Variants in RTN1 observed in about 807,000 individuals in gnomAD.
The protein encoded by RTN1 is reticulon-1.
Under a neutral mutation model 65.5 loss-of-function variants are expected in RTN1, and 25 were observed. The ratio of observed to expected loss-of-function variants is 0.38; its 90% CI spans 0.28 to 0.53. RTN1 has a LOEUF of 0.53. Among genes scored for constraint, RTN1 ranks in the 20% least tolerant of loss-of-function variants. The probability of loss-of-function intolerance (pLI) is 0.79; values close to 1 mark genes in which losing one functional copy is unlikely to be tolerated. For synonymous variants in RTN1, 471 were observed against 447.6 expected (o/e 1.05, Z -0.66); for missense variants, 983 against 1,025.4 (o/e 0.96, Z 0.57).
At chr14:59,602,455 G>A (rs745477785) in intron 8 of RTN1, among the ~76,000 whole-genome samples, 9 of 152,096 alleles carry the variant, frequency 5.9e-5, no homozygotes, top group Non-Finnish European at 1.3e-4. Context: ...TGTTAGCTAT[G>A]GGTATGTAAA....
chr14:59,688,189 C>A (rs1183552696), intron 3 of RTN1, among the ~76,000 whole-genome samples: 7 of 152,150 alleles, frequency 4.6e-5, no homozygotes. Flanking sequence ...GCTAGAGCCA[C>A]CCCACCTTCT....
intron 3 of RTN1, among the ~76,000 whole-genome samples, chr14:59,723,099 C>A (rs996562830): frequency 7.9e-5 from 12 of 152,048 alleles, no homozygotes; most frequent in Non-Finnish European, 1.5e-5. Context: ...TGCCCAGACT[C>A]TTTAACTTTG....
chr14:59,861,276 A>T (rs1429174817), intron 1 of RTN1, among the ~76,000 whole-genome samples: 3 of 152,168 alleles, frequency 2.0e-5, no homozygotes, highest in Non-Finnish European at 4.4e-5. Context: ...TGATGGTATT[A>T]TAAGGGGGAT....
At chr14:59,788,644 A>G (rs763671716) in intron 1 of RTN1, among the ~76,000 whole-genome samples, 3 of 152,126 alleles carry the variant, frequency 2.0e-5, no homozygotes, top group African/African-American at 2.4e-5. Context: ...GAAATGCTTC[A>G]TTTTTAAATA....
chr14:59,776,577 T>C (rs187130117), intron 1 of RTN1, among the ~76,000 whole-genome samples: 39 of 152,272 alleles, frequency 2.6e-4, no homozygotes, highest in Admixed American at 4.6e-4. Context: ...AAATAGGAAC[T>C]TTGTTCATCT....
chr14:59,715,808 AGAGT>A (rs1884521615), intron 3 of RTN1, among the ~76,000 whole-genome samples: 2 of 150,594 alleles, frequency 1.3e-5, no homozygotes, highest in African/African-American at 4.9e-5. Flanking sequence ...CCTGGGCAAC[AGAGT>A]GAGACTCCAT....
rs1003527884 is a variant in RTN1, at chr14:59,846,404, A to T, written c.241+23986T>A. ...AGCCACAGCCCATGGATCAGAGTTGATGTATGCACACGTGTGTACACACAC... is the reference window on the plus strand; with the variant it reads ...AGCCACAGCCCATGGATCAGAGTTGTTGTATGCACACGTGTGTACACACAC... On this transcript the variant is annotated intron_variant, in intron 1 of 8. Coordinates refer to ENST00000267484, the MANE Select transcript of RTN1 (RefSeq NM_021136.3). This position sits in a 1 kb window ranked among gnomAD's most constrained non-coding sequence, Gnocchi z 4.8. 6.6e-6 allele frequency among the ~76,000 whole-genome samples: 1 copy of T among 151,990 alleles called. No individual in the cohort carries two copies. Among genetic ancestry groups the T allele is most frequent in the Admixed American group, 6.6e-5 (1 of 15,266 alleles).
At chr14:59,679,919 T>C (rs908452878) in intron 3 of RTN1, among the ~76,000 whole-genome samples, 1 of 152,252 alleles carries the variant, frequency 6.6e-6, no homozygotes, top group South Asian at 2.1e-4. Flanking sequence ...TTTTCTTTTT[T>C]AAAAAAATAG....
intron 3 of RTN1, among the ~76,000 whole-genome samples, chr14:59,618,269 A>G (rs1035335900): frequency 1.3e-5 from 2 of 152,210 alleles, no homozygotes; most frequent in African/African-American, 2.4e-5. Flanking sequence ...GCTGGAGGCT[A>G]CAAGATTCTG....
chr14:59,645,595 T>C (rs985657193), intron 3 of RTN1, among the ~76,000 whole-genome samples: 1 of 151,974 alleles, frequency 6.6e-6, no homozygotes, highest in African/African-American at 2.4e-5. Flanking sequence ...GAGGGGTGGG[T>C]TGCCATCTTT....
In RTN1 at chr14:59,745,940, A is replaced by G. The variant is rs1330390012; in HGVS notation, c.783T>C (p.Ala261=). Residue 261 remains alanine (A), a synonymous_variant, in exon 2 of 9, where the codon GCT becomes GCC. Coordinates refer to ENST00000267484, the MANE Select transcript of RTN1 (RefSeq NM_021136.3). ...KDHLLEESTF[A]PYIDDLSEEQ... is the part of the protein sequence containing the mutation. ...CTTCAGAGAGATCATCTATGTATGG[A>G]GCAAATGTGGATTCTTCCAATAAAT... 1.9e-6 allele frequency: 3 copies of G among 1,613,942 alleles called. No individual in the cohort carries two copies. Among genetic ancestry groups the G allele is most frequent in the African/African-American group, 1.3e-5 (1 of 74,860 alleles).
chr14:59,865,228 A>G (rs1382941621), intron 1 of RTN1, among the ~76,000 whole-genome samples: 2 of 152,192 alleles, frequency 1.3e-5, no homozygotes, highest in Non-Finnish European at 1.5e-5. Context: ...ATATTGGTTT[A>G]TAAGTTTTAA....
Position 59,749,200 on chromosome 14 carries a change from A to ATATATATATCTATATATATCTATATATC in RTN1, c.242-2747_242-2720dup, listed in dbSNP as rs1566711077. ...TCTATATATCTATCTATATATATCT[A>ATATATATATCTATATATATCTATATATC]TATATATATCTATATATATCTATAT... On this transcript the variant is annotated intron_variant, in intron 1 of 8. Coordinates refer to ENST00000267484, the MANE Select transcript of RTN1 (RefSeq NM_021136.3). 3.5e-4 allele frequency among the ~76,000 whole-genome samples: 20 copies of ATATATATATCTATATATATCTATATATC among 56,672 alleles called. 3 individuals carry two copies. Among genetic ancestry groups the ATATATATATCTATATATATCTATATATC allele is most frequent in the East Asian group, 2.2e-3 (5 of 2,254 alleles). The allele number at this position is 56,672 out of a possible 152,430, so 37.2% of individuals were successfully genotyped here. A position where few individuals can be genotyped will look rare whatever the true frequency, so the allele number is the denominator to read the frequency against.
chr14:59,746,108 C>T lies in RTN1; in HGVS notation c.615G>A (p.Val205=), dbSNP rs749471101. ...CGGGGTGATGTTGTTCTTGGTGCTT[C>T]ACCTCCTCGGGTCTGGTTATGTCAA... ...KYIDITRPEE[V]KHQEQHHPEL... Residue 205 remains valine, a synonymous_variant, in exon 2 of 9, where the codon GTG becomes GTA. Transcript: ENST00000267484. The T allele has an allele frequency of 4.1e-5, 66 of 1,613,206 alleles. No individual in the cohort carries two copies. In the Admixed American group the frequency reaches 4.5e-4, roughly 11 times the overall value.
At chr14:59,696,616 T>G (rs983042583) in intron 3 of RTN1, among the ~76,000 whole-genome samples, 1 of 152,092 alleles carries the variant, frequency 6.6e-6, no homozygotes, top group South Asian at 2.1e-4. Flanking sequence ...AAATCCATTG[T>G]TGTCAGCAAC....
intron 2 of RTN1, among the ~76,000 whole-genome samples, chr14:59,740,753 A>C (rs938038945): frequency 6.6e-6 from 1 of 152,180 alleles, no homozygotes; most frequent in Non-Finnish European, 1.5e-5. Flanking sequence ...ACTTTAACAA[A>C]ATGCTAGGAG....
chr14:59,671,866 G>A (rs1416129049), intron 3 of RTN1, among the ~76,000 whole-genome samples: 2 of 152,188 alleles, frequency 1.3e-5, no homozygotes, highest in African/African-American at 2.4e-5. Context: ...GATATTGTAC[G>A]TTTAATCTTT....
chr14:59,686,812 G>A (rs1390505157), intron 3 of RTN1, among the ~76,000 whole-genome samples: 1 of 152,186 alleles, frequency 6.6e-6, no homozygotes, highest in African/African-American at 2.4e-5. Context: ...AGGGAAAGAC[G>A]CTGGGAAAAG....
At chr14:59,739,020 G>A (rs1474092876) in intron 2 of RTN1, among the ~76,000 whole-genome samples, 3 of 152,122 alleles carry the variant, frequency 2.0e-5, no homozygotes, top group Non-Finnish European at 4.4e-5. Flanking sequence ...GGGGAGGAAG[G>A]AGAGCATCAG....
Sources: gnomAD v4.1 joint callset for allele counts (sites outside exome capture counted in the v4.1 genomes callset) on GRCh38, gnomAD v4.1.1 for gene constraint, Gnocchi (gnomAD v3.1) non-coding constraint, MANE v1.5 for transcripts, NCBI Gene and HGNC (gene_info 2026-07-23, HGNC 2026-07-21) for gene names.